The following ARFGEF1 variants were observed in gnomAD, a reference collection of about 807,000 sequenced individuals.
ARFGEF1 encodes ARF guanine nucleotide exchange factor 1.
ARFGEF1 carries 42 observed loss-of-function variants against 231.0 expected under a neutral mutation model. The ratio of observed to expected loss-of-function variants is 0.18; its 90% CI spans 0.14 to 0.24. The LOEUF (loss-of-function observed/expected upper bound fraction) is 0.24, where lower values mean the gene tolerates loss of function less well. Ranked by LOEUF, ARFGEF1 falls within the 10% of genes least tolerant of loss-of-function variation. The pLI is 1.00. For synonymous variants in ARFGEF1, 710 were observed against 732.3 expected (o/e 0.97, Z 0.49); for missense variants, 1,345 against 2,192.0 (o/e 0.61, Z 7.72).
At chr8:67,229,971 A>G (rs903220993) in intron 23 of ARFGEF1, among the ~76,000 whole-genome samples, 8 of 152,142 alleles carry the variant, frequency 5.3e-5, no homozygotes, top group Admixed American at 1.3e-4. Context: ...ATAACGGAGA[A>G]CAAAGGCAAC....
Position 67,240,323 on chromosome 8 carries a change from GATT to G in ARFGEF1, c.2851-36_2851-34del, listed in dbSNP as rs755615659. ...AATTAAAAATTGTATTTTAATTAAA[GATT>G]ATGATAACACATTAAAATTTCTCAA... On this transcript the variant is annotated intron_variant, in intron 19 of 38. Transcript: ENST00000262215. The G allele has an allele frequency of 3.2e-6, 5 of 1,547,404 alleles. No individual in the cohort carries two copies. In the African/African-American group the frequency reaches 5.6e-5, roughly 17 times the overall value.
At position 67,179,068 on chromosome 8, in the gene ARFGEF1, T is replaced by C. The variant is rs141309256; in HGVS notation, c.561-3496A>G. On this transcript the variant is annotated intron_variant, in intron 5 of 5. Coordinates refer to the ARFGEF1 transcript ENST00000518789. ...TGCCTTAAAAATTAATGGACAGCTC[T>C]TTGCTGGAGTGTCCTACTGAAGCCC... is the stretch of plus-strand genomic sequence containing the variant. Among the ~76,000 whole-genome samples the C allele has an allele frequency of 8.9e-3, 1,361 of 152,296 alleles. 24 individuals are homozygous for C. Among genetic ancestry groups the C allele is most frequent in the African/African-American group, 0.031 (1,296 of 41,534 alleles).
At position 67,219,548 on chromosome 8, in the gene ARFGEF1, T is replaced by C. The variant is rs768711329; in HGVS notation, c.4221A>G (p.Val1407=). Reference sequence around the variant, plus strand: ...CATATGTTTTCATTATTTCAAACATTACTGTTAAACCCCTAAAATGACAAA... The same window carrying C: ...CATATGTTTTCATTATTTCAAACATCACTGTTAAACCCCTAAAATGACAAA... ...KLDVRTRGLT[V]MFEIMKTYGH... The change falls in exon 30 of 39, where the codon GTA becomes GTG. Residue 1407 remains valine, a synonymous_variant. Transcript: ENST00000262215. The C allele has an allele frequency of 1.9e-5, 30 of 1,606,168 alleles. No individual in the cohort carries two copies. The South Asian group carries it at 3.3e-4, about 18-fold the overall frequency.
intron 5 of ARFGEF1, among the ~76,000 whole-genome samples, chr8:67,191,297 ACT>A (rs1836163428): frequency 6.6e-6 from 1 of 151,970 alleles, no homozygotes; most frequent in Non-Finnish European, 1.5e-5. Flanking sequence ...AATTTCTTAA[ACT>A]CTGTGTGTGT....
At chr8:67,274,916 T>C (rs1416853339) in intron 9 of ARFGEF1, among the ~76,000 whole-genome samples, 1 of 152,120 alleles carries the variant, frequency 6.6e-6, no homozygotes, top group African/African-American at 2.4e-5. Context: ...TGAATGTTGA[T>C]TTCTGACTTA....
intron 19 of ARFGEF1, among the ~76,000 whole-genome samples, chr8:67,244,940 C>T (rs1840059599): frequency 6.7e-6 from 1 of 150,106 alleles, no homozygotes; most frequent in African/African-American, 2.5e-5. Flanking sequence ...TAATTAAACT[C>T]ACAAAGGTCA....
chr8:67,200,217 A>G, intron 38 of ARFGEF1, 179 bp downstream of exon 38: 1 of 663,680 alleles, frequency 1.5e-6, no homozygotes, highest in Non-Finnish European at 2.8e-6. Flanking sequence ...GTAAGGGGGG[A>G]GAAAAGCAAG....
intron 1 of ARFGEF1, among the ~76,000 whole-genome samples, chr8:67,310,637 C>T (rs1806964725): frequency 6.6e-6 from 1 of 152,016 alleles, no homozygotes; most frequent in Non-Finnish European, 1.5e-5. Flanking sequence ...GCCACCATCA[C>T]ATCTAGGAAG....
At chr8:67,272,975 T>C (rs998583666) in intron 9 of ARFGEF1, among the ~76,000 whole-genome samples, 2 of 151,840 alleles carry the variant, frequency 1.3e-5, no homozygotes, top group African/African-American at 2.4e-5. Flanking sequence ...AGTGTGGTGG[T>C]GGGCACCTGT....
intron 1 of ARFGEF1, among the ~76,000 whole-genome samples, chr8:67,326,683 C>T (rs763560176): frequency 2.1e-4 from 32 of 152,154 alleles, no homozygotes; most frequent in Non-Finnish European, 1.3e-4. Flanking sequence ...TTCTTGGAAA[C>T]TGTGATTTTA....
chr8:67,209,502 A>ATAGAGGTGGT (rs1434745985), intron 34 of ARFGEF1, among the ~76,000 whole-genome samples: 2 of 152,180 alleles, frequency 1.3e-5, no homozygotes, highest in Non-Finnish European at 2.9e-5. Context: ...TTGGATCTAG[A>ATAGAGGTGGT]TAGAGGTGGT....
chr8:67,303,241 G>C (rs1806583403), intron 1 of ARFGEF1, among the ~76,000 whole-genome samples: 1 of 152,120 alleles, frequency 6.6e-6, no homozygotes, highest in Non-Finnish European at 1.5e-5. Context: ...TATCAGACCA[G>C]AACTATAACT....
At chr8:67,231,678 C>T (rs1262150630) in intron 23 of ARFGEF1, among the ~76,000 whole-genome samples, 1 of 152,066 alleles carries the variant, frequency 6.6e-6, no homozygotes, top group Non-Finnish European at 1.5e-5. Context: ...TATTACATAG[C>T]TCTGCAGTAG....
At chr8:67,299,482 G>T in intron 3 of ARFGEF1, 127 bp from the exon 4 acceptor site, 5 of 874,058 alleles carry the variant, frequency 5.7e-6, no homozygotes, top group Non-Finnish European at 8.2e-6. Context: ...AAACATAAAG[G>T]TATTATCAAA....
At chr8:67,252,282 CAAAAAAAAAAAA>C (rs57653248) in intron 18 of ARFGEF1, among the ~76,000 whole-genome samples, 14 of 21,878 alleles carry the variant, frequency 6.4e-4, no homozygotes, top group South Asian at 2.6e-3. Context: ...AACTCCATCT[CAAAAAAAAAAAA>C]AAAAAAAAAA....
rs140977074 is a variant in ARFGEF1, at chr8:67,185,476, A to G, written c.561-9904T>C. Reference sequence around the variant, plus strand: ...ACAAAGGCAGTCCAATTAAAGTAACACTGGCAACTTTGAAAATGTACAGCC... The same window carrying G: ...ACAAAGGCAGTCCAATTAAAGTAACGCTGGCAACTTTGAAAATGTACAGCC... On this transcript the variant is annotated intron_variant, in intron 5 of 5. Coordinates refer to the ARFGEF1 transcript ENST00000518789. Among the ~76,000 whole-genome samples, 382 of 152,368 alleles carry G rather than the reference A, an allele frequency of 2.5e-3. 2 individuals are homozygous for G. Among genetic ancestry groups the G allele is most frequent in the African/African-American group, 8.8e-3 (366 of 41,594 alleles).
At chr8:67,318,876 G>A (rs576184608) in intron 1 of ARFGEF1, among the ~76,000 whole-genome samples, 5 of 152,322 alleles carry the variant, frequency 3.3e-5, no homozygotes, top group Admixed American at 6.5e-5. Flanking sequence ...GGGAGGCCAA[G>A]GCAGGAGGAT....
In ARFGEF1 at chr8:67,198,564, G is replaced by A; in HGVS notation, c.*370C>T. The A allele has an allele frequency of 1.0e-6, 1 of 1,002,142 alleles. No individual in the cohort carries two copies. The highest frequency in any genetic ancestry group is 1.2e-6 in the Non-Finnish European group (1 of 841,346). The allele number at this position is 1,002,142 out of a possible 1,614,324, so 62.1% of individuals were successfully genotyped here. A position where few individuals can be genotyped will look rare whatever the true frequency, so the allele number is the denominator to read the frequency against. ...TAAACATTTTATCCTTCAAAATACA[G>A]CTCTCCTGAGTTGTACTTCTTGTAG... On this transcript the variant is annotated 3_prime_UTR_variant, in exon 39 of 39. Coordinates refer to ENST00000262215, the MANE Select transcript of ARFGEF1 (RefSeq NM_006421.5).
chr8:67,217,683 T>G, intron 32 of ARFGEF1, 99 bp downstream of exon 32: 3 of 1,270,132 alleles, frequency 2.4e-6, no homozygotes, highest in Non-Finnish European at 2.2e-6. Flanking sequence ...ATTTCTGTTA[T>G]GAGAAATCAG....
Sources: allele counts gnomAD v4.1 joint callset (sites outside exome capture counted in the v4.1 genomes callset), GRCh38; gene constraint gnomAD v4.1.1; transcripts MANE v1.5; gene names NCBI Gene and HGNC (gene_info 2026-07-23, HGNC 2026-07-21).